Variants in RANBP2 observed in about 807,000 individuals in gnomAD.
The protein encoded by RANBP2 is E3 SUMO-protein ligase RanBP2.
RANBP2 carries 57 observed loss-of-function variants against 303.6 expected under a neutral mutation model. The observed-to-expected ratio is 0.19, with a 90% CI of 0.15 to 0.23. RANBP2 has a LOEUF of 0.23. RANBP2 is among the 10% of genes least tolerant of loss of function. The probability of loss-of-function intolerance (pLI) is 1.00; values close to 1 mark genes in which losing one functional copy is unlikely to be tolerated. For synonymous variants in RANBP2, 1,167 were observed against 1,301.5 expected (o/e 0.90, Z 2.23); for missense variants, 3,138 against 3,780.8 (o/e 0.83, Z 4.46).
At chr2:109,512,168 C>A in the RANBP2 span, among the ~76,000 whole-genome samples, 218 of 152,322 alleles carry the variant, frequency 1.4e-3, 1 homozygote, top group Non-Finnish European at 2.0e-3. Context: ...TGGAAACTCT[C>A]TTCCTGGCTC....
At chr2:109,166,438 C>T in the RANBP2 span, among the ~76,000 whole-genome samples, 2 of 140,580 alleles carry the variant, frequency 1.4e-5, no homozygotes, top group Non-Finnish European at 3.0e-5. Flanking sequence ...GATTGTGCCA[C>T]TGTACTCCAG....
chr2:109,419,726 G>A, the RANBP2 span: 6 of 1,339,026 alleles, frequency 4.5e-6, no homozygotes, highest in Middle Eastern at 2.1e-4. Context: ...TGTGGTTTCC[G>A]CAGGGTTTTC....
chr2:109,197,315 T>G, the RANBP2 span, among the ~76,000 whole-genome samples: 17 of 152,168 alleles, frequency 1.1e-4, no homozygotes, highest in African/African-American at 4.1e-4. Context: ...GCTGCTGTTC[T>G]GCCTGACACA....
chr2:109,644,094 C>T, the RANBP2 span, among the ~76,000 whole-genome samples: 1 of 151,646 alleles, frequency 6.6e-6, no homozygotes, highest in Middle Eastern at 3.4e-3. Flanking sequence ...GCACTCCAGC[C>T]TGGGCGACAG....
the RANBP2 span, among the ~76,000 whole-genome samples, chr2:109,179,119 A>G: frequency 6.6e-6 from 1 of 151,910 alleles, no homozygotes; most frequent in Non-Finnish European, 1.5e-5. Flanking sequence ...GTGAAATGTC[A>G]TGGCAGCTGG....
chr2:109,190,687 C>T, the RANBP2 span, among the ~76,000 whole-genome samples: 18,973 of 151,992 alleles, frequency 0.12, 1,470 homozygotes, highest in Middle Eastern at 0.19. Context: ...TTAAAATCAC[C>T]TGCTGATGGT....
chr2:109,297,110 C>T, the RANBP2 span, among the ~76,000 whole-genome samples: 20 of 151,874 alleles, frequency 1.3e-4, no homozygotes, highest in East Asian at 2.9e-3. Context: ...AAGCCCAATA[C>T]GGCTCCACAG....
the RANBP2 span, among the ~76,000 whole-genome samples, chr2:109,435,821 A>G: frequency 6.6e-6 from 1 of 152,234 alleles, no homozygotes; most frequent in Non-Finnish European, 1.5e-5. Flanking sequence ...ATGATAGAAA[A>G]TGGGATTTTT....
At chr2:109,202,137 A>G in the RANBP2 span, among the ~76,000 whole-genome samples, 1 of 152,120 alleles carries the variant, frequency 6.6e-6, no homozygotes, top group African/African-American at 2.4e-5. Context: ...AGATCAGCAT[A>G]TGGACGCACT....
chr2:108,863,262 A>G, the RANBP2 span, among the ~76,000 whole-genome samples: 1 of 152,228 alleles, frequency 6.6e-6, no homozygotes. Context: ...CAATATTTCT[A>G]ACAAAGCACC....
At chr2:109,082,281 C>CT in the RANBP2 span, among the ~76,000 whole-genome samples, 2 of 152,068 alleles carry the variant, frequency 1.3e-5, no homozygotes, top group Non-Finnish European at 2.9e-5. Flanking sequence ...CTTAGCACCC[C>CT]TTTTTTATTT....
At chr2:109,581,448 C>CA in the RANBP2 span, among the ~76,000 whole-genome samples, 3 of 144,368 alleles carry the variant, frequency 2.1e-5, no homozygotes, top group South Asian at 4.5e-4. Flanking sequence ...AAAAAAAAAA[C>CA]AAAAAAAATC....
At chr2:109,524,150 A>G in the RANBP2 span, among the ~76,000 whole-genome samples, 3 of 152,214 alleles carry the variant, frequency 2.0e-5, no homozygotes, top group Non-Finnish European at 4.4e-5. Context: ...CTAGTGGCGC[A>G]AGAGCAGGAC....
the RANBP2 span, among the ~76,000 whole-genome samples, chr2:108,792,929 T>C: frequency 6.8e-6 from 1 of 147,690 alleles, no homozygotes; most frequent in Non-Finnish European, 1.5e-5. Flanking sequence ...CCAGGCATGG[T>C]AGCACGTGCC....
the RANBP2 span, among the ~76,000 whole-genome samples, chr2:108,920,662 C>T: frequency 2.0e-5 from 3 of 152,188 alleles, no homozygotes; most frequent in Non-Finnish European, 2.9e-5. Flanking sequence ...CGCCTGTCCT[C>T]TTTGGTTTCC....
chr2:109,591,425 G>T, the RANBP2 span, among the ~76,000 whole-genome samples: 5 of 152,138 alleles, frequency 3.3e-5, no homozygotes, highest in Non-Finnish European at 7.3e-5. Context: ...CCACTGGATG[G>T]ACTAGTCACT....
the RANBP2 span, among the ~76,000 whole-genome samples, chr2:108,824,662 A>C: frequency 6.6e-6 from 1 of 152,224 alleles, no homozygotes; most frequent in African/African-American, 2.4e-5. Flanking sequence ...AGTGTAGCAA[A>C]TATGTAACCA....
the RANBP2 span, among the ~76,000 whole-genome samples, chr2:109,497,229 T>C: frequency 6.6e-6 from 1 of 152,208 alleles, no homozygotes; most frequent in African/African-American, 2.4e-5. Context: ...AGTATTCTTA[T>C]CCCCAAGTTC....
chr2:109,242,433 C>T, the RANBP2 span, among the ~76,000 whole-genome samples: 1 of 152,150 alleles, frequency 6.6e-6, no homozygotes, highest in Non-Finnish European at 1.5e-5. Flanking sequence ...GCCTAGAGTC[C>T]TGGGCCTTGG....
Sources: gnomAD v4.1 joint callset for allele counts (sites outside exome capture counted in the v4.1 genomes callset) on GRCh38, gnomAD v4.1.1 for gene constraint, MANE v1.5 for transcripts, NCBI Gene and HGNC (gene_info 2026-07-23, HGNC 2026-07-21) for gene names.